The following RBFOX1 variants were observed in gnomAD, a reference collection of about 807,000 sequenced individuals.
The protein encoded by RBFOX1 is RNA binding protein fox-1 homolog 1.
A neutral mutation model predicts 57.7 loss-of-function variants in RBFOX1; 8 were observed. The ratio of observed to expected loss-of-function variants is 0.14; its 90% CI spans 0.08 to 0.25. The LOEUF is 0.25. RBFOX1 is among the 10% of genes least tolerant of loss of function. The pLI, the probability that RBFOX1 is intolerant of heterozygous loss-of-function variation, is 1.00. For synonymous variants in RBFOX1, 326 were observed against 222.4 expected (o/e 1.47, Z -4.15); for missense variants, 611 against 548.5 (o/e 1.11, Z -1.14).
At chr16:6,988,681 T>C (rs968277460) in intron 3 of RBFOX1, among the ~76,000 whole-genome samples, 6 of 151,656 alleles carry the variant, frequency 4.0e-5, no homozygotes, top group African/African-American at 7.3e-5. Flanking sequence ...GCCTCAGCCT[T>C]AGCCTCCTGA....
chr16:6,548,621 A>G (rs2096927878), intron 2 of RBFOX1, among the ~76,000 whole-genome samples: 1 of 152,192 alleles, frequency 6.6e-6, no homozygotes. Flanking sequence ...GCTGAAGGAA[A>G]AAAGAATTAA....
At chr16:7,041,261 G>C (rs951703590) in intron 3 of RBFOX1, among the ~76,000 whole-genome samples, 1 of 151,910 alleles carries the variant, frequency 6.6e-6, no homozygotes, top group African/African-American at 2.4e-5. Context: ...TTGGAACACA[G>C]TGGCACCCAT....
chr16:6,151,965 C>G (rs1019210911), intron 1 of RBFOX1, among the ~76,000 whole-genome samples: 1 of 152,192 alleles, frequency 6.6e-6, no homozygotes, highest in African/African-American at 2.4e-5. Flanking sequence ...ATAGACAACT[C>G]AATAGCTGAA....
intron 4 of RBFOX1, among the ~76,000 whole-genome samples, chr16:7,348,782 A>C (rs1482475098): frequency 6.6e-6 from 1 of 152,068 alleles, no homozygotes; most frequent in Non-Finnish European, 1.5e-5. Context: ...TCTCTACTAA[A>C]AATGCCAAAA....
At chr16:5,481,570 G>A (rs2069542718) in intron 2 of RBFOX1, among the ~76,000 whole-genome samples, 1 of 152,190 alleles carries the variant, frequency 6.6e-6, no homozygotes, top group Non-Finnish European at 1.5e-5. Flanking sequence ...TCTACATGAT[G>A]CATAGATGCT....
intron 14 of RBFOX1, among the ~76,000 whole-genome samples, chr16:7,684,480 T>C (rs1468468005): frequency 6.6e-6 from 1 of 152,068 alleles, no homozygotes; most frequent in Non-Finnish European, 1.5e-5. Flanking sequence ...TTCTGAAAGC[T>C]GAAACATAAT....
At chr16:6,399,145 A>G (rs2092962649) in intron 2 of RBFOX1, among the ~76,000 whole-genome samples, 1 of 152,180 alleles carries the variant, frequency 6.6e-6, no homozygotes, top group Non-Finnish European at 1.5e-5. Flanking sequence ...TCTTTTAACC[A>G]TGGCTGGAGC....
At chr16:6,435,448 G>T (rs953355827) in intron 2 of RBFOX1, among the ~76,000 whole-genome samples, 3 of 152,034 alleles carry the variant, frequency 2.0e-5, no homozygotes, top group African/African-American at 7.2e-5. Context: ...CTATAGGCAT[G>T]CCATCACACC....
intron 4 of RBFOX1, among the ~76,000 whole-genome samples, chr16:7,397,665 G>T (rs2098164880): frequency 6.6e-6 from 1 of 152,166 alleles, no homozygotes; most frequent in Non-Finnish European, 1.5e-5. Context: ...ACATGATTCA[G>T]AAGCAAAGTG....
chr16:6,795,516 C>T (rs1247210939), intron 3 of RBFOX1, among the ~76,000 whole-genome samples: 1 of 151,932 alleles, frequency 6.6e-6, no homozygotes, highest in Non-Finnish European at 1.5e-5. Flanking sequence ...GTCTGTAATC[C>T]CAGCACTTTG....
chr16:6,322,000 C>G (rs1443165442), intron 2 of RBFOX1, among the ~76,000 whole-genome samples: 1 of 152,202 alleles, frequency 6.6e-6, no homozygotes, highest in Non-Finnish European at 1.5e-5. Context: ...CCACGTCTCA[C>G]TCATTGACCC....
intron 2 of RBFOX1, among the ~76,000 whole-genome samples, chr16:6,638,797 G>T (rs185602723): frequency 6.6e-6 from 1 of 152,108 alleles, no homozygotes; most frequent in Non-Finnish European, 1.5e-5. Flanking sequence ...CAGGTGTTTG[G>T]GTGATGGCCA....
intron 3 of RBFOX1, among the ~76,000 whole-genome samples, chr16:6,821,826 T>G (rs117837883): frequency 1.4e-4 from 22 of 152,220 alleles, no homozygotes; most frequent in Admixed American, 9.2e-4. Flanking sequence ...GATGCTGTTA[T>G]GAACATGAAG....
intron 2 of RBFOX1, among the ~76,000 whole-genome samples, chr16:6,400,227 A>C (rs1401647961): frequency 6.6e-6 from 1 of 151,886 alleles, no homozygotes; most frequent in African/African-American, 2.4e-5. Context: ...AATGCATTTA[A>C]ATTTTTGAAA....
intron 2 of RBFOX1, among the ~76,000 whole-genome samples, chr16:6,488,301 G>C (rs113133152): frequency 1.5e-3 from 233 of 152,286 alleles, no homozygotes; most frequent in African/African-American, 5.4e-3. Context: ...AGTACTAGTT[G>C]GATTTATTGT....
At position 6,676,167 on chromosome 16, in the gene RBFOX1, CA is replaced by C. The variant is rs2057646611; in HGVS notation, c.-16+21518del. On this transcript the variant is annotated intron_variant, in intron 3 of 15. Coordinates refer to ENST00000550418, the MANE Select transcript of RBFOX1 (RefSeq NM_018723.4). ...GCACACACACACACACACACACACA[CA>C]CACACACACACACTTCCCTAGGTCA... 2.6e-5 allele frequency among the ~76,000 whole-genome samples: 4 copies of C among 151,936 alleles called. No individual in the cohort carries two copies. The South Asian group carries it at 8.4e-4, about 32-fold the overall frequency.
At chr16:7,558,501 A>T (rs965977534) in intron 5 of RBFOX1, among the ~76,000 whole-genome samples, 9 of 152,080 alleles carry the variant, frequency 5.9e-5, no homozygotes, top group African/African-American at 2.2e-4. Flanking sequence ...ATATTTTCGT[A>T]TATGTATATA....
chr16:7,546,827 G>A (rs960504430), intron 5 of RBFOX1, among the ~76,000 whole-genome samples: 2 of 152,032 alleles, frequency 1.3e-5, no homozygotes, highest in Non-Finnish European at 2.9e-5. Flanking sequence ...ATTTTTCACT[G>A]TGACAAATAT....
intron 3 of RBFOX1, among the ~76,000 whole-genome samples, chr16:6,824,050 A>G (rs1032592118): frequency 3.9e-5 from 6 of 152,210 alleles, no homozygotes; most frequent in African/African-American, 7.2e-5. Flanking sequence ...GGATTTCCAT[A>G]TCTTTGTCTA....
Sources: allele counts gnomAD v4.1 joint callset (sites outside exome capture counted in the v4.1 genomes callset), GRCh38; gene constraint gnomAD v4.1.1; transcripts MANE v1.5; gene names NCBI Gene and HGNC (gene_info 2026-07-23, HGNC 2026-07-21).